DCHS2: variants seen among roughly 807,000 people sequenced by gnomAD.
DCHS2 encodes the protein protocadherin-23.
DCHS2 carries 142 observed loss-of-function variants against 182.4 expected under a neutral mutation model. The ratio of observed to expected loss-of-function variants is 0.78; its 90% CI spans 0.68 to 0.89. DCHS2 has a LOEUF of 0.89. Ranked by LOEUF, DCHS2 falls within the 40% of genes least tolerant of loss-of-function variation. The probability of loss-of-function intolerance (pLI) is 0.00; values close to 1 mark genes in which losing one functional copy is unlikely to be tolerated. For missense variants in DCHS2, 4,319 were observed against 4,198.6 expected (o/e 1.03, Z -0.79); for synonymous variants, 1,740 against 1,663.3 (o/e 1.05, Z -1.12).
chr4:154,382,234 G>A (rs11733376), intron 1 of DCHS2, among the ~76,000 whole-genome samples: 52,494 of 151,886 alleles, frequency 0.35, 10,348 homozygotes, highest in Non-Finnish European at 0.46. Flanking sequence ...CATATACAGA[G>A]GATTGAAACT....
At chr4:154,434,564 C>G (rs1365514410) in intron 1 of DCHS2, among the ~76,000 whole-genome samples, 1 of 151,840 alleles carries the variant, frequency 6.6e-6, no homozygotes, top group Non-Finnish European at 1.5e-5. Context: ...AGAAAATTTC[C>G]AAGGTGTTGG....
chr4:154,253,773 G>GT (rs753694427), intron 16 of DCHS2, among the ~76,000 whole-genome samples: 21 of 152,090 alleles, frequency 1.4e-4, no homozygotes, highest in Admixed American at 5.9e-4. Context: ...GCATTGGGAG[G>GT]TTTTCCAGAG....
intron 10 of DCHS2, among the ~76,000 whole-genome samples, chr4:154,310,415 G>A (rs1204481251): frequency 1.3e-5 from 2 of 152,180 alleles, no homozygotes; most frequent in East Asian, 1.9e-4. Context: ...TATAATCACT[G>A]AGGTTGAGAC....
rs747761471 is a variant in DCHS2, at chr4:154,298,086, A to G, written c.6228T>C (p.Ser2076=). ...AAAACATTGACTGGGTCTCTGCAAAACTAAAAACCACAGTTCCATTGGGCC... is the reference window on the plus strand; with the variant it reads ...AAAACATTGACTGGGTCTCTGCAAAGCTAAAAACCACAGTTCCATTGGGCC... ...DLGPNGTVVF[S]FAETQSMFSI... Residue 2076 remains serine, a synonymous_variant, in exon 13 of 20, where the codon AGT becomes AGC. Transcript: ENST00000357232. 1 of 1,614,002 alleles carries G rather than the reference A, an allele frequency of 6.2e-7. No homozygotes were observed. Among genetic ancestry groups the G allele is most frequent in the African/African-American group, 1.3e-5 (1 of 74,920 alleles).
At chr4:154,297,453 C>A (rs1175029557) in intron 13 of DCHS2, among the ~76,000 whole-genome samples, 4 of 152,144 alleles carry the variant, frequency 2.6e-5, no homozygotes, top group Non-Finnish European at 5.9e-5. Flanking sequence ...AAGGAATTTT[C>A]AGAGTAAGTT....
At position 154,298,298 on chromosome 4, in the gene DCHS2, T is replaced by C; in HGVS notation, c.6016A>G (p.Ser2006Gly). 1 of 1,614,202 alleles carries C rather than the reference T, an allele frequency of 6.2e-7. No homozygotes were observed. Among genetic ancestry groups the C allele is most frequent in the Non-Finnish European group, 8.5e-7 (1 of 1,180,018 alleles). The change falls in exon 13 of 20, where the codon AGT becomes GGT. Residue 2006 changes from serine (S) to glycine (G), a missense_variant. Physicochemically the swap from Ser to Gly is moderately conservative, Grantham distance 56. Coordinates refer to ENST00000357232, the MANE Select transcript of DCHS2 (RefSeq NM_001358235.2). The stretch of plus-strand genomic sequence containing the variant: ...ATGCTACAGTCTCTGGCCACAGCAC[T>C]AAATGTATGCTGAGATCTGGCTTCA... The part of the protein sequence containing the change: ...DREARSQHTF[S>G]AVARDCSIQG...
intron 3 of DCHS2, among the ~76,000 whole-genome samples, chr4:154,341,912 A>G (rs993286285): frequency 1.3e-4 from 19 of 151,900 alleles, no homozygotes; most frequent in Non-Finnish European, 2.2e-4. Flanking sequence ...TAGTCTTTTT[A>G]ATTTTATTTT....
intron 16 of DCHS2, among the ~76,000 whole-genome samples, chr4:154,254,916 T>G (rs1468393626): frequency 1.3e-5 from 2 of 152,216 alleles, no homozygotes; most frequent in Non-Finnish European, 2.9e-5. Flanking sequence ...TAGTCTTTGG[T>G]AGCACTGATT....
chr4:154,403,379 C>A (rs1240389164), intron 1 of DCHS2, among the ~76,000 whole-genome samples: 1 of 151,968 alleles, frequency 6.6e-6, no homozygotes, highest in African/African-American at 2.4e-5. Flanking sequence ...GTTGTTTTTT[C>A]AAATACTTTT....
In DCHS2 at chr4:154,235,104, A is replaced by G; in HGVS notation, c.9548T>C (p.Leu3183Ser). ...CTCTCTCTTCTGAACTGTCTGGGGT[A>G]ACACATTATTTTGAGCACAGGTGGT... ...CSTTCAQNNV[L>S]PQTVQKREAK... The change falls in exon 20 of 20, where the codon TTA (leucine) becomes TCA (serine). Residue 3183 changes from leucine (L) to serine (S), a missense_variant. Coordinates refer to ENST00000357232, the MANE Select transcript of DCHS2 (RefSeq NM_001358235.2). 1 of 1,613,928 alleles carries G rather than the reference A, an allele frequency of 6.2e-7. No individual in the cohort carries two copies. Among genetic ancestry groups the G allele is most frequent in the Non-Finnish European group, 8.5e-7 (1 of 1,179,952 alleles).
At chr4:154,327,901 A>G (rs568680937) in intron 7 of DCHS2, among the ~76,000 whole-genome samples, 192 bp downstream of exon 7, 1 of 152,316 alleles carries the variant, frequency 6.6e-6, no homozygotes, top group East Asian at 1.9e-4. Flanking sequence ...TAAACTTTAA[A>G]TTACTTTTCA....
At chr4:154,366,563 T>C (rs1166791541) in intron 2 of DCHS2, 122 bp from the exon 3 acceptor site, 6 of 702,724 alleles carry the variant, frequency 8.5e-6, no homozygotes, top group African/African-American at 1.8e-5. Flanking sequence ...GGGGTTTGTA[T>C]ATGTATATGT....
rs748769746 is a variant in DCHS2, at chr4:154,335,030, C to T, written c.2551G>A (p.Gly851Ser). The T allele has an allele frequency of 1.5e-5, 24 of 1,613,870 alleles. No homozygotes were observed. Among genetic ancestry groups the T allele is most frequent in the African/African-American group, 2.7e-5 (2 of 74,884 alleles). The change falls in exon 4 of 20, where the codon GGT becomes AGT. Residue 851 changes from glycine (G) to serine (S), a missense_variant. Gly to Ser is a moderately conservative substitution (Grantham distance 56). Coordinates refer to ENST00000357232, the MANE Select transcript of DCHS2 (RefSeq NM_001358235.2). ...TTAATGACAGCTGTGAGCCCACCACCGTCTTGAGCAGAGACCATCAACGAA... is the reference window on the plus strand; with the variant it reads ...TTAATGACAGCTGTGAGCCCACCACTGTCTTGAGCAGAGACCATCAACGAA... ...TLSLMVSAQD[G>S]GGLTAVINAD... is the part of the protein sequence containing the mutation.
chr4:154,373,788 G>T (rs1003431207), intron 2 of DCHS2: 1 of 714,446 alleles, frequency 1.4e-6, no homozygotes, highest in Non-Finnish European at 2.4e-6. Flanking sequence ...AGGGCAAGAA[G>T]GAGAAAATCA....
intron 8 of DCHS2, among the ~76,000 whole-genome samples, chr4:154,322,088 T>C (rs1193914561): frequency 1.3e-5 from 2 of 152,162 alleles, no homozygotes; most frequent in African/African-American, 4.8e-5. Flanking sequence ...GCCAATATAG[T>C]GATGATTATC....
At chr4:154,478,608 G>C (rs1735786614) in intron 1 of DCHS2, among the ~76,000 whole-genome samples, 1 of 152,110 alleles carries the variant, frequency 6.6e-6, no homozygotes, top group Non-Finnish European at 1.5e-5. Context: ...TAGGGTTCCA[G>C]GAAACCATAG....
chr4:154,378,593 G>A (rs1041959490), intron 1 of DCHS2, among the ~76,000 whole-genome samples: 8 of 151,746 alleles, frequency 5.3e-5, no homozygotes, highest in Admixed American at 2.6e-4. Flanking sequence ...TACAGAACAC[G>A]TACTCTTATA....
chr4:154,273,321 T>C (rs948387649), intron 13 of DCHS2, among the ~76,000 whole-genome samples: 16 of 152,218 alleles, frequency 1.1e-4, no homozygotes, highest in Admixed American at 1.0e-3. Context: ...CTGGATGGAA[T>C]TGGAGACTAT....
intron 16 of DCHS2, among the ~76,000 whole-genome samples, chr4:154,249,610 A>G (rs1732253288): frequency 6.6e-6 from 1 of 152,150 alleles, no homozygotes. Context: ...CAAAAAATAC[A>G]TGCATTTATA....
Sources: allele counts gnomAD v4.1 joint callset (sites outside exome capture counted in the v4.1 genomes callset), GRCh38; gene constraint gnomAD v4.1.1; transcripts MANE v1.5; gene names NCBI Gene and HGNC (gene_info 2026-07-23, HGNC 2026-07-21).